RBBP8: variants seen among roughly 807,000 people sequenced by gnomAD.
RBBP8 encodes RB binding protein 8, endonuclease.
In RBBP8, 88 loss-of-function variants were observed where a neutral mutation model predicts 108.3. The ratio of observed to expected loss-of-function variants is 0.81; its 90% CI spans 0.68 to 0.97. The LOEUF is 0.97. Ranked by LOEUF, RBBP8 falls within the 50% of genes least tolerant of loss-of-function variation. RBBP8 has a pLI of 0.00. For synonymous variants in RBBP8, 332 were observed against 348.2 expected, an observed-to-expected ratio of 0.95 and a Z score of 0.52; for missense variants, 1,023 against 1,049.0, an observed-to-expected ratio of 0.98 and a Z score of 0.34.
chr18:22,927,672 T>C (rs1274038844), intron 3 of RBBP8, among the ~76,000 whole-genome samples: 1 of 152,116 alleles, frequency 6.6e-6, no homozygotes, highest in Admixed American at 6.5e-5. Context: ...TAAATAATAT[T>C]TTAGATAAAC....
chr18:22,980,986 T>TTTTTG, intron 6 of RBBP8, among the ~76,000 whole-genome samples: 1 of 120,520 alleles, frequency 8.3e-6, no homozygotes, highest in Non-Finnish European at 1.7e-5. Flanking sequence ...TTTTTTTTTT[T>TTTTTG]TTTTGAGACG....
chr18:22,969,671 A>C (rs1359000629), intron 5 of RBBP8, among the ~76,000 whole-genome samples: 1 of 152,140 alleles, frequency 6.6e-6, no homozygotes, highest in African/African-American at 2.4e-5. Context: ...AGAGGTAACT[A>C]CTGTTAATAG....
At chr18:22,936,420 A>G (rs1910586721) in intron 1 of RBBP8, among the ~76,000 whole-genome samples, 1 of 152,230 alleles carries the variant, frequency 6.6e-6, no homozygotes, top group South Asian at 2.1e-4. Context: ...ACATTAGTCT[A>G]TAGTGGTAAA....
rs767902045 is a variant in RBBP8 at position 22,984,898 on chromosome 18, T to C, written c.617T>C (p.Val206Ala). Residue 206 changes from valine (V) to alanine (A), a missense_variant, in exon 8 of 19, where the codon GTT becomes GCT. Coordinates refer to ENST00000327155, the MANE Select transcript of RBBP8 (RefSeq NM_002894.3). Reference sequence around the variant, plus strand: ...TTTCTCCCCTTAGAAATGAGAAAAGTTTCCAAGTCTTCAACTCATCCACAA... The same window carrying C: ...TTTCTCCCCTTAGAAATGAGAAAAGCTTCCAAGTCTTCAACTCATCCACAA... ...HSVCANEMRK[V>A]SKSSTHPQHN... 1.9e-6 allele frequency: 3 copies of C among 1,600,974 alleles called. No individual in the cohort carries two copies. In the East Asian group the frequency reaches 6.7e-5, roughly 36 times the overall value.
intron 4 of RBBP8, among the ~76,000 whole-genome samples, chr18:22,955,194 G>A (rs1379975388): frequency 6.6e-6 from 1 of 152,072 alleles, no homozygotes; most frequent in African/African-American, 2.4e-5. Flanking sequence ...TACATCCTCA[G>A]GTACATGGGC....
chr18:22,928,070 A>G (rs967993342), intron 3 of RBBP8, among the ~76,000 whole-genome samples: 1 of 151,806 alleles, frequency 6.6e-6, no homozygotes, highest in Non-Finnish European at 1.5e-5. Context: ...TTAGCTAGGC[A>G]GGTGCCTGTA....
rs141346564 is a variant in RBBP8 at position 22,979,155 on chromosome 18, G to A, written c.429-3063G>A. The stretch of plus-strand genomic sequence containing the variant: ...GGTTGCACGCGCAGCTGTAGTCCCA[G>A]CTACTCGGGAGGCTGAGACACAAGA... On this transcript the variant is annotated intron_variant, in intron 6 of 18. Coordinates refer to ENST00000327155, the MANE Select transcript of RBBP8 (RefSeq NM_002894.3). 9.6e-3 allele frequency among the ~76,000 whole-genome samples: 1,462 copies of A among 152,256 alleles called. 8 individuals are homozygous for A. The highest frequency in any genetic ancestry group is 0.014 in the Non-Finnish European group (976 of 68,014).
At chr18:22,957,453 T>C (rs1277956630) in intron 4 of RBBP8, among the ~76,000 whole-genome samples, 1 of 152,174 alleles carries the variant, frequency 6.6e-6, no homozygotes, top group Non-Finnish European at 1.5e-5. Context: ...ATAAATCTTT[T>C]TGGGCTATAG....
intron 4 of RBBP8, among the ~76,000 whole-genome samples, chr18:22,965,106 C>T (rs1231163658): frequency 1.3e-5 from 2 of 152,058 alleles, no homozygotes; most frequent in African/African-American, 4.8e-5. Context: ...TGAAGGCTTA[C>T]TGTATTCTTC....
intron 6 of RBBP8, among the ~76,000 whole-genome samples, chr18:22,976,360 A>T (rs191846126): frequency 6.2e-4 from 94 of 152,246 alleles, no homozygotes; most frequent in African/African-American, 2.1e-3. Context: ...AATTTTAATA[A>T]TGCTGTATAA....
chr18:22,914,468 G>T (rs1567934279), intron 1 of RBBP8, among the ~76,000 whole-genome samples: 1 of 152,082 alleles, frequency 6.6e-6, no homozygotes, highest in Non-Finnish European at 1.5e-5. Flanking sequence ...TATGTTCATT[G>T]ATTGTTTGCA....
At chr18:23,017,238 C>G (rs1302634033) in intron 17 of RBBP8, among the ~76,000 whole-genome samples, 1 of 151,816 alleles carries the variant, frequency 6.6e-6, no homozygotes, top group African/African-American at 2.4e-5. Context: ...ACCTGTAATT[C>G]TAGCTACTCA....
chr18:22,990,030 T>G (rs2144688392), intron 9 of RBBP8, among the ~76,000 whole-genome samples: 1 of 152,320 alleles, frequency 6.6e-6, no homozygotes, highest in Non-Finnish European at 1.5e-5. Context: ...TTTCATTACA[T>G]ATAGATTTTT....
chr18:22,975,488 T>A (rs554642727), intron 6 of RBBP8, among the ~76,000 whole-genome samples: 4 of 152,118 alleles, frequency 2.6e-5, no homozygotes, highest in Non-Finnish European at 4.4e-5. Context: ...AAAATACTTA[T>A]ATTTCAAACA....
upstream of RBBP8, chr18:22,933,299 G>A (rs1225722554): frequency 6.6e-6 from 1 of 152,288 alleles, no homozygotes; most frequent in East Asian, 1.9e-4. Flanking sequence ...GGCAGCTGGA[G>A]GAAGGGGCGT....
intron 5 of RBBP8, among the ~76,000 whole-genome samples, chr18:22,971,791 G>A (rs980307051): frequency 2.7e-4 from 41 of 151,190 alleles, no homozygotes; most frequent in Non-Finnish European, 5.0e-4. Flanking sequence ...GATTACAGGC[G>A]CCCACCACCA....
intron 2 of RBBP8, among the ~76,000 whole-genome samples, chr18:22,940,611 C>T (rs941450820): frequency 3.3e-5 from 5 of 152,010 alleles, no homozygotes; most frequent in South Asian, 4.2e-4. Context: ...TGAGCCACTG[C>T]GCCCGGTCTA....
chr18:22,946,582 A>AT, intron 3 of RBBP8, 96 bp downstream of exon 3: 1 of 1,535,194 alleles, frequency 6.5e-7, no homozygotes. Context: ...CTGATGTCCA[A>AT]TTTGACCTTA....
intron 15 of RBBP8, among the ~76,000 whole-genome samples, chr18:23,004,165 G>A (rs1368125983): frequency 6.6e-6 from 1 of 151,558 alleles, no homozygotes; most frequent in African/African-American, 2.4e-5. Flanking sequence ...TGTTAAAGAG[G>A]TATCTGCACT....
Sources: gnomAD v4.1 joint callset for allele counts (sites outside exome capture counted in the v4.1 genomes callset) on GRCh38, gnomAD v4.1.1 for gene constraint, MANE v1.5 for transcripts, NCBI Gene and HGNC (gene_info 2026-07-23, HGNC 2026-07-21) for gene names.